PCDH15: variants seen among roughly 807,000 people sequenced by gnomAD.
PCDH15 encodes the protein protocadherin related 15, also known as protocadherin-15.
PCDH15 carries 129 observed loss-of-function variants against 178.5 expected under a neutral mutation model. The observed-to-expected ratio is 0.72, with a 90% CI of 0.63 to 0.84. The LOEUF (loss-of-function observed/expected upper bound fraction) is 0.84, where lower values mean the gene tolerates loss of function less well. Ranked by LOEUF, PCDH15 falls within the 40% of genes least tolerant of loss-of-function variation. The pLI is 0.00. For missense variants in PCDH15, 2,230 were observed against 2,099.9 expected (o/e 1.06, Z -1.21); for synonymous variants, 800 against 732.0 (o/e 1.09, Z -1.50).
At chr10:55,470,841 A>ATT (rs202205186) in intron 2 of PCDH15, among the ~76,000 whole-genome samples, 3 of 143,578 alleles carry the variant, frequency 2.1e-5, no homozygotes, top group African/African-American at 5.1e-5. Flanking sequence ...CTAAACTCTG[A>ATT]TTTTTTTTTT....
intron 3 of PCDH15, among the ~76,000 whole-genome samples, chr10:54,481,831 C>T (rs1589638151): frequency 6.6e-6 from 1 of 151,522 alleles, no homozygotes; most frequent in African/African-American, 2.4e-5. Flanking sequence ...AATTTTTATA[C>T]AAGCTTTGGT....
chr10:54,409,919 T>A (rs1374639038), intron 3 of PCDH15, among the ~76,000 whole-genome samples: 1 of 152,148 alleles, frequency 6.6e-6, no homozygotes, highest in Admixed American at 6.6e-5. Context: ...CAGATGCCGA[T>A]GCCATACTCT....
intron 2 of PCDH15, among the ~76,000 whole-genome samples, chr10:55,547,119 T>TGGGATCAGTCTAGTACC (rs1327475238): frequency 6.6e-6 from 1 of 152,106 alleles, no homozygotes; most frequent in Non-Finnish European, 1.5e-5. Context: ...CTGGGATCAG[T>TGGGATCAGTCTAGTACC]CACTGGCAAG....
At chr10:54,829,599 A>G (rs1953188708) in intron 3 of PCDH15, among the ~76,000 whole-genome samples, 1 of 152,014 alleles carries the variant, frequency 6.6e-6, no homozygotes, top group African/African-American at 2.4e-5. Context: ...GTGAGCCCAA[A>G]TTAATTTTTT....
chr10:53,938,890 T>C lies in PCDH15; in HGVS notation c.3298A>G (p.Arg1100Gly), dbSNP rs1300035455. Reference protein sequence around the residue: ...YVNGPLDYETRTSYVLRVQAD... With the variant: ...YVNGPLDYETGTSYVLRVQAD... ...TGGACTCGAAGTACATAGCTTGTCC[T>C]GGTCTCATAATCCAGAGGTCCATTC... The change falls in exon 25 of 38, where the codon AGG becomes GGG. Residue 1100 changes from arginine (R) to glycine (G), a missense_variant. Transcript: ENST00000644397. 1 of 1,613,464 alleles carries C rather than the reference T, an allele frequency of 6.2e-7. No individual in the cohort carries two copies. The highest frequency in any genetic ancestry group is 2.2e-5 in the East Asian group (1 of 44,862).
intron 29 of PCDH15, 64 bp downstream of exon 29, chr10:53,840,255 AG>A: frequency 6.5e-7 from 1 of 1,543,390 alleles, no homozygotes; most frequent in Admixed American, 1.7e-5. Context: ...TATAGCCTCA[AG>A]TCAGAATCAT....
chr10:55,294,950 C>A (rs536638853), intron 1 of PCDH15, among the ~76,000 whole-genome samples: 6 of 152,066 alleles, frequency 3.9e-5, no homozygotes, highest in African/African-American at 1.2e-4. Context: ...TAGTACTTTT[C>A]CTGAGCTATT....
At chr10:54,883,131 A>G (rs1954293548) in intron 3 of PCDH15, among the ~76,000 whole-genome samples, 1 of 151,936 alleles carries the variant, frequency 6.6e-6, no homozygotes. Context: ...TTATCTTCCT[A>G]TATGTAATCA....
intron 2 of PCDH15, among the ~76,000 whole-genome samples, chr10:55,551,463 C>A (rs985041792): frequency 2.0e-5 from 3 of 151,758 alleles, no homozygotes; most frequent in Non-Finnish European, 3.0e-5. Flanking sequence ...ATCTTTCAGT[C>A]TGGTAATAAG....
rs146305625 is a variant in PCDH15 at position 54,117,768 on chromosome 10, T to C, written c.1917+15107A>G. ...TCCCTTCTGCAGGAAGGTCATCTCA[T>C]TGTCTGTGAAGCCCTCGTGGAGAGG... On this transcript the variant is annotated intron_variant, in intron 15 of 37. Transcript: ENST00000644397. 1.7e-3 allele frequency among the ~76,000 whole-genome samples: 262 copies of C among 152,194 alleles called. 1 individual carries two copies. The highest frequency in any genetic ancestry group is 0.01 in the Middle Eastern group (3 of 294).
chr10:55,341,772 T>TGC lies in PCDH15; in HGVS notation c.-155-175122_-155-175121insGC, dbSNP rs1844566522. Among the ~76,000 whole-genome samples, 15 of 12,298 alleles carry TGC rather than the reference T, an allele frequency of 1.2e-3. 1 individual carries two copies. Among genetic ancestry groups the TGC allele is most frequent in the African/African-American group, 4.7e-3 (15 of 3,188 alleles). The allele number at this position is 12,298 out of a possible 152,430, so 8.1% of individuals were successfully genotyped here. A position where few individuals can be genotyped will look rare whatever the true frequency, so the allele number is the denominator to read the frequency against. The stretch of plus-strand genomic sequence containing the variant: ...ATATACATACATATGCATATATATA[T>TGC]ATATATATATATATATATATATATA... On this transcript the variant is annotated intron_variant, in intron 2 of 5. Transcript: ENST00000613346.
chr10:54,048,033 T>C (rs987187428), intron 18 of PCDH15, among the ~76,000 whole-genome samples: 1 of 152,176 alleles, frequency 6.6e-6, no homozygotes, highest in South Asian at 2.1e-4. Context: ...CAACAGTGTA[T>C]ATGCATTCCC....
intron 10 of PCDH15, among the ~76,000 whole-genome samples, chr10:54,207,364 T>TTGTGTGTG (rs746250247): frequency 4.6e-5 from 4 of 87,588 alleles, no homozygotes; most frequent in African/African-American, 1.7e-4. Flanking sequence ...CTGTTTTGTT[T>TTGTGTGTG]TGTGTGTGTG....
At chr10:55,408,140 A>C (rs1052900745) in intron 2 of PCDH15, among the ~76,000 whole-genome samples, 6 of 152,144 alleles carry the variant, frequency 3.9e-5, no homozygotes, top group African/African-American at 1.4e-4. Flanking sequence ...AAGAGATAGA[A>C]AACCACTAAC....
chr10:55,115,342 T>C (rs139510492), intron 2 of PCDH15, among the ~76,000 whole-genome samples: 1 of 152,364 alleles, frequency 6.6e-6, no homozygotes, highest in Non-Finnish European at 1.5e-5. Context: ...CAGCTTTCTG[T>C]AACAGCAGTC....
chr10:53,928,120 A>G (rs2084730994), intron 25 of PCDH15, among the ~76,000 whole-genome samples: 1 of 152,118 alleles, frequency 6.6e-6, no homozygotes, highest in Non-Finnish European at 1.5e-5. Flanking sequence ...AGAACTTCAG[A>G]GACTGGTGAA....
chr10:55,600,840 C>A (rs1212355694), intron 2 of PCDH15, among the ~76,000 whole-genome samples: 1 of 152,068 alleles, frequency 6.6e-6, no homozygotes, highest in East Asian at 1.9e-4. Flanking sequence ...TTCCACTAAG[C>A]TGCATTGCCC....
chr10:53,828,708 G>A (rs1420433450), intron 30 of PCDH15, 135 bp from the exon 31 acceptor site: 2 of 767,604 alleles, frequency 2.6e-6, no homozygotes, highest in Non-Finnish European at 4.3e-6. Context: ...GTTAATGACA[G>A]ACTAAGAAAA....
intron 2 of PCDH15, among the ~76,000 whole-genome samples, chr10:55,373,568 A>G (rs544147482): frequency 6.6e-6 from 1 of 152,212 alleles, no homozygotes; most frequent in African/African-American, 2.4e-5. Context: ...CCAGTGCCCA[A>G]GGAAAAATAA....
Sources: allele counts gnomAD v4.1 joint callset (sites outside exome capture counted in the v4.1 genomes callset), GRCh38; gene constraint gnomAD v4.1.1; transcripts MANE v1.5; gene names NCBI Gene and HGNC (gene_info 2026-07-23, HGNC 2026-07-21).